The following CCNT2 variants were observed in gnomAD, a reference collection of about 807,000 sequenced individuals.
CCNT2 encodes the protein cyclin T2, also known as cyclin-T2.
Under a neutral mutation model 70.0 loss-of-function variants are expected in CCNT2, and 18 were observed. That is an observed-to-expected ratio of 0.26 (90% CI 0.18 to 0.38). The LOEUF (loss-of-function observed/expected upper bound fraction) is 0.38. CCNT2 is among the 10% of genes least tolerant of loss of function. The pLI is 1.00. For synonymous variants in CCNT2, 334 were observed against 313.3 expected (o/e 1.07, Z -0.70); for missense variants, 734 against 890.2 (o/e 0.82, Z 2.23).
At chr2:134,926,602 C>T (rs1019141681) in intron 2 of CCNT2, among the ~76,000 whole-genome samples, 2 of 152,222 alleles carry the variant, frequency 1.3e-5, no homozygotes, top group Non-Finnish European at 2.9e-5. Flanking sequence ...AGCTGCTCTT[C>T]TCACATTGGC....
rs1681769421 is a variant in CCNT2 at position 134,944,059 on chromosome 2, AAATCT to A, written c.493+1389_493+1393del. 6.1e-6 allele frequency: 6 copies of A among 985,166 alleles called. No individual in the cohort carries two copies. In the African/African-American group the frequency reaches 7.0e-5, roughly 11 times the overall value. The allele number at this position is 985,166 out of a possible 1,614,324, so 61.0% of individuals were successfully genotyped here. The stretch of plus-strand genomic sequence containing the variant: ...GTGTCATTAGGAAGTAGACATCTGA[AAATCT>A]AATTTGTATTTTTTTGTAGTAGCAC... On this transcript the variant is annotated intron_variant, in intron 5 of 8. Coordinates refer to ENST00000264157, the MANE Select transcript of CCNT2 (RefSeq NM_058241.3).
chr2:134,950,178 C>T (rs1682358525), intron 7 of CCNT2, among the ~76,000 whole-genome samples: 1 of 152,160 alleles, frequency 6.6e-6, no homozygotes, highest in African/African-American at 2.4e-5. Flanking sequence ...TTTATCCTGT[C>T]TTTAGGTCAG....
At position 134,953,810 on chromosome 2, in the gene CCNT2, T is replaced by A. The variant is rs1373431719; in HGVS notation, c.1355T>A (p.Val452Glu). Residue 452 changes from valine (V) to glutamate (E), a missense_variant, in exon 9 of 9, where the codon GTA (valine) becomes GAA (glutamate). Val to Glu is a moderately radical substitution (Grantham distance 121). Transcript: ENST00000264157. ...AAACTAGAAACTCTTGATCTCGATG[T>A]AAGGGATCATTATATAGCTGCCCAG... ...KRKLETLDLDVRDHYIAAQVE... is the reference protein window; with the variant it reads ...KRKLETLDLDERDHYIAAQVE... 3 of 1,613,472 alleles carry A rather than the reference T, an allele frequency of 1.9e-6. No homozygotes were observed. The highest frequency in any genetic ancestry group is 1.7e-6 in the Non-Finnish European group (2 of 1,179,576).
intron 7 of CCNT2, among the ~76,000 whole-genome samples, chr2:134,951,499 T>C (rs576329552): frequency 1.1e-4 from 17 of 152,224 alleles, no homozygotes; most frequent in African/African-American, 4.1e-4. Flanking sequence ...TTTGCTAATA[T>C]ATTAATAGTG....
intron 4 of CCNT2, among the ~76,000 whole-genome samples, chr2:134,939,461 T>C (rs1681406301): frequency 6.6e-6 from 1 of 151,824 alleles, no homozygotes; most frequent in South Asian, 2.1e-4. Context: ...TTATTTTATT[T>C]ATTTATTTAT....
Position 134,918,877 on chromosome 2 carries a change from C to A in CCNT2, c.23C>A (p.Ser8Tyr). MASGRGA[S>Y]SRWFFTREQL... ...GTCATGGCGTCGGGCCGTGGAGCTTCTTCTCGCTGGTTCTTTACTCGGGAA... is the reference window on the plus strand; with the variant it reads ...GTCATGGCGTCGGGCCGTGGAGCTTATTCTCGCTGGTTCTTTACTCGGGAA... Residue 8 changes from serine (S) to tyrosine (Y), a missense_variant, in exon 1 of 9, where the codon TCT becomes TAT. Physicochemically the swap from Ser to Tyr is moderately radical, Grantham distance 144. Around this residue, in one of 3 missense-constraint regions of CCNT2, gnomAD observed 41 missense variants for 29.5 expected, o/e 1.39. Transcript: ENST00000264157. 1.2e-6 allele frequency: 2 copies of A among 1,613,814 alleles called. No individual in the cohort carries two copies. The highest frequency in any genetic ancestry group is 8.5e-7 in the Non-Finnish European group (1 of 1,179,780).
chr2:134,950,404 G>A (rs994582450), intron 7 of CCNT2, among the ~76,000 whole-genome samples: 6 of 152,160 alleles, frequency 3.9e-5, no homozygotes, highest in African/African-American at 1.4e-4. Context: ...GTGGCCGGGT[G>A]CAGTCACTCA....
At chr2:134,928,250 C>G (rs1194153523) in intron 2 of CCNT2, among the ~76,000 whole-genome samples, 2 of 140,070 alleles carry the variant, frequency 1.4e-5, no homozygotes, top group African/African-American at 5.2e-5. Flanking sequence ...CATGAGCCAC[C>G]ATGCCCGGCC....
At chr2:134,936,050 C>T (rs1162888652) in intron 2 of CCNT2, among the ~76,000 whole-genome samples, 1 of 151,550 alleles carries the variant, frequency 6.6e-6, no homozygotes, top group Non-Finnish European at 1.5e-5. Flanking sequence ...TAGTTATAGC[C>T]ACACAATGAA....
intron 2 of CCNT2, among the ~76,000 whole-genome samples, chr2:134,935,464 C>T (rs1370775670): frequency 1.3e-5 from 2 of 152,126 alleles, no homozygotes; most frequent in Admixed American, 6.5e-5. Context: ...TGAAAGGATC[C>T]ACTGTCCCTC....
In CCNT2 at chr2:134,958,610, CAGTG is replaced by C. The variant is rs1337614678; in HGVS notation, c.*3965_*3968del. ...ATTCTGATACGTTAATATCAGAAAT[CAGTG>C]AGCAACCTAATTGCTGTAAGCTGAC... On this transcript the variant is annotated 3_prime_UTR_variant, in exon 9 of 9. Coordinates refer to ENST00000264157, the MANE Select transcript of CCNT2 (RefSeq NM_058241.3). 6.6e-6 allele frequency: 1 copy of C among 152,196 alleles called. No individual in the cohort carries two copies. Among genetic ancestry groups the C allele is most frequent in the Non-Finnish European group, 1.5e-5 (1 of 68,038 alleles). The allele number at this position is 152,196 out of a possible 1,614,324, so 9.4% of individuals were successfully genotyped here.
At position 134,936,879 on chromosome 2, in the gene CCNT2, G is replaced by A; in HGVS notation, c.279G>A (p.Val93=). Residue 93 remains valine, a synonymous_variant, in exon 3 of 9, where the codon GTG becomes GTA. Coordinates refer to ENST00000264157, the MANE Select transcript of CCNT2 (RefSeq NM_058241.3). ...CTGCATTATTTTTGGCTGCAAAAGTGGAAGAACAGGCTCGAAAACTTGAAC... is the reference window on the plus strand; with the variant it reads ...CTGCATTATTTTTGGCTGCAAAAGTAGAAGAACAGGCTCGAAAACTTGAAC... ...SSTALFLAAK[V]EEQARKLEHV... is the part of the protein sequence containing the mutation. 6.2e-7 allele frequency: 1 copy of A among 1,613,534 alleles called. No individual in the cohort carries two copies.
chr2:134,944,682 C>T (rs965677127), intron 5 of CCNT2: 18 of 983,124 alleles, frequency 1.8e-5, no homozygotes, highest in Non-Finnish European at 2.2e-5. Flanking sequence ...GTCATTTTGT[C>T]TGACTAACAT....
chr2:134,947,582 A>G (rs1252500627), intron 6 of CCNT2, 154 bp from the exon 7 acceptor site: 5 of 436,810 alleles, frequency 1.1e-5, no homozygotes, highest in Admixed American at 4.4e-5. Flanking sequence ...CTAGAATTTT[A>G]TAACTTAGCT....
At chr2:134,930,570 T>C (rs1171352914) in intron 2 of CCNT2, among the ~76,000 whole-genome samples, 1 of 152,196 alleles carries the variant, frequency 6.6e-6, no homozygotes, top group Non-Finnish European at 1.5e-5. Flanking sequence ...AATAATCTTT[T>C]TGGATAGCTT....
At chr2:134,949,697 CAGTG>C (rs1682291652) in intron 7 of CCNT2, among the ~76,000 whole-genome samples, 1 of 150,686 alleles carries the variant, frequency 6.6e-6, no homozygotes, top group South Asian at 2.1e-4. Flanking sequence ...ATCTAAAACT[CAGTG>C]AGGGCTTATC....
At chr2:134,925,024 T>C (rs1180777751) in intron 2 of CCNT2, among the ~76,000 whole-genome samples, 1 of 152,144 alleles carries the variant, frequency 6.6e-6, no homozygotes, top group Non-Finnish European at 1.5e-5. Context: ...CCTGGAAAAA[T>C]TGATGATTAG....
At chr2:134,943,353 A>T in intron 5 of CCNT2, 1 of 793,832 alleles carries the variant, frequency 1.3e-6, no homozygotes, top group Non-Finnish European at 1.5e-6. Flanking sequence ...GTGAGCCCAG[A>T]TCATGCCCCT....
At chr2:134,946,574 A>T (rs1559108806) in intron 6 of CCNT2, 1 of 225,518 alleles carries the variant, frequency 4.4e-6, no homozygotes, top group African/African-American at 2.3e-5. Context: ...TTTTTTAATA[A>T]ATAAAATTTA....
Sources: allele counts gnomAD v4.1 joint callset (sites outside exome capture counted in the v4.1 genomes callset), GRCh38; gene constraint gnomAD v4.1.1; regional missense constraint gnomAD v4.1.1; transcripts MANE v1.5; gene names NCBI Gene and HGNC (gene_info 2026-07-23, HGNC 2026-07-21).